Variants in IPO8 observed in about 807,000 individuals in gnomAD.
IPO8 encodes the protein importin 8.
IPO8 carries 65 observed loss-of-function variants against 141.2 expected under a neutral mutation model. The ratio of observed to expected loss-of-function variants is 0.46; its 90% CI spans 0.38 to 0.57. IPO8 has a LOEUF of 0.57. IPO8 is among the 20% of genes least tolerant of loss of function. IPO8 has a pLI of 0.00. For synonymous variants in IPO8, 411 were observed against 420.3 expected (o/e 0.98, Z 0.27); for missense variants, 980 against 1,246.8 (o/e 0.79, Z 3.22).
chr12:30,677,986 A>C (rs1164972339), intron 5 of IPO8, among the ~76,000 whole-genome samples: 2 of 151,912 alleles, frequency 1.3e-5, no homozygotes, highest in Non-Finnish European at 2.9e-5. Flanking sequence ...AATACAAAAA[A>C]TTAGCCAGGC....
At chr12:30,686,606 C>T (rs2053244907) in intron 2 of IPO8, 1 of 152,186 alleles carries the variant, frequency 6.6e-6, no homozygotes, top group South Asian at 2.1e-4. Flanking sequence ...CCTCAGCCTC[C>T]CAAAGTGCTG....
At chr12:30,654,469 A>T (rs1195128226) in intron 17 of IPO8, among the ~76,000 whole-genome samples, 1 of 152,112 alleles carries the variant, frequency 6.6e-6, no homozygotes, top group Non-Finnish European at 1.5e-5. Context: ...TTTATAATCT[A>T]TATCAAATGA....
chr12:30,655,118 A>C (rs1396439883), intron 17 of IPO8, among the ~76,000 whole-genome samples: 1 of 152,148 alleles, frequency 6.6e-6, no homozygotes. Flanking sequence ...TTCTTTTATT[A>C]TTAATTAAAG....
chr12:30,678,143 A>AT (rs2053147006), intron 5 of IPO8, among the ~76,000 whole-genome samples: 1 of 149,680 alleles, frequency 6.7e-6, no homozygotes, highest in Non-Finnish European at 1.5e-5. Flanking sequence ...AAAAAAAAAA[A>AT]TTTAAAGTTT....
Position 30,652,303 on chromosome 12 carries a change from A to G in IPO8, c.2075-14T>C, listed in dbSNP as rs755462912. ...GAGGCATCATGTCTGAAAAAAAATC[A>G]AAATCCCAATGAGACTTGAGTGACA... is the stretch of plus-strand genomic sequence containing the variant. On this transcript the variant is annotated splice_polypyrimidine_tract_variant and intron_variant, in intron 18 of 24. Coordinates refer to ENST00000256079, the MANE Select transcript of IPO8 (RefSeq NM_006390.4). 8 of 1,458,796 alleles carry G rather than the reference A, an allele frequency of 5.5e-6. No individual in the cohort carries two copies. The highest frequency in any genetic ancestry group is 1.4e-5 in the African/African-American group (1 of 71,650). 90.4% of individuals were successfully genotyped at this position (1,458,796 alleles called of 1,614,324 possible).
rs201904393 is a variant in IPO8 at position 30,630,927 on chromosome 12, C to A, written c.3047G>T (p.Gly1016Val). ...GACTCCTTTGTTTTCAAAGGTGAAG[C>A]CTCCCTGTTGTTCAATCTTCTTCTT... ...EAKKKIEQQG[G>V]FTFENKGVLS... is the part of the protein sequence containing the mutation. Residue 1016 changes from glycine (G) to valine (V), a missense_variant, in exon 25 of 25, where the codon GGC becomes GTC. Physicochemically the swap from Gly to Val is moderately radical, Grantham distance 109. This residue lies in a region of IPO8 where 924 missense variants were observed against 1,153.9 expected (regional missense o/e 0.80). Coordinates refer to ENST00000256079, the MANE Select transcript of IPO8 (RefSeq NM_006390.4). The A allele has an allele frequency of 1.2e-4, 200 of 1,613,536 alleles. No homozygotes were observed. In the Admixed American group the frequency reaches 3.3e-3, roughly 26 times the overall value.
intron 22 of IPO8, among the ~76,000 whole-genome samples, chr12:30,636,706 G>A (rs2052506495): frequency 6.6e-6 from 1 of 151,984 alleles, no homozygotes; most frequent in Non-Finnish European, 1.5e-5. Context: ...AAGACCATTT[G>A]ATTGTTATAA....
chr12:30,652,130 T>G, intron 19 of IPO8, 62 bp downstream of exon 19: 1 of 903,102 alleles, frequency 1.1e-6, no homozygotes, highest in Non-Finnish European at 1.8e-6. Context: ...AAAAGTATCC[T>G]GAAGCAAAAC....
At position 30,681,686 on chromosome 12, in the gene IPO8, C is replaced by A; in HGVS notation, c.455G>T (p.Cys152Phe). The A allele has an allele frequency of 6.2e-7, 1 of 1,613,688 alleles. No individual in the cohort carries two copies. The highest frequency in any genetic ancestry group is 1.1e-5 in the South Asian group (1 of 91,068). The change falls in exon 4 of 25, where the codon TGC (cysteine) becomes TTC (phenylalanine). Residue 152 changes from cysteine (C) to phenylalanine (F), a missense_variant. Cys to Phe is a radical substitution (Grantham distance 205). Coordinates refer to ENST00000256079, the MANE Select transcript of IPO8 (RefSeq NM_006390.4). ...ATATGTCTTCACCAGTTGATACAGG[C>A]ATAATAAACTGCCAAGCCAGCTTGC... Reference protein sequence around the residue: ...SSASWLGSLLCLYQLVKTYEY... With the variant: ...SSASWLGSLLFLYQLVKTYEY...
chr12:30,667,250 A>G (rs2052979422), intron 10 of IPO8, among the ~76,000 whole-genome samples: 1 of 152,176 alleles, frequency 6.6e-6, no homozygotes, highest in Admixed American at 6.5e-5. Flanking sequence ...TCCTCCCAGC[A>G]CTATTATCAT....
At chr12:30,641,244 G>A (rs960567529) in intron 20 of IPO8, among the ~76,000 whole-genome samples, 1 of 152,160 alleles carries the variant, frequency 6.6e-6, no homozygotes, top group Non-Finnish European at 1.5e-5. Flanking sequence ...TAGCGTAGAA[G>A]GCAACAGAGA....
In IPO8 at chr12:30,634,242, C is replaced by A. The variant is rs1349602856; in HGVS notation, c.2740G>T (p.Ala914Ser). The A allele has an allele frequency of 6.2e-7, 1 of 1,613,788 alleles. No homozygotes were observed. Among genetic ancestry groups the A allele is most frequent in the East Asian group, 2.2e-5 (1 of 44,878 alleles). Residue 914 changes from alanine to serine, a missense_variant, in exon 23 of 25, where the codon GCA becomes TCA. This residue lies in a region of IPO8 where 924 missense variants were observed against 1,153.9 expected (regional missense o/e 0.80). Transcript: ENST00000256079. ...CCTCTTCCATTATTTGACTGCATTGCTTGAGCAGTTACATTTGTCTCCTCT... is the reference window on the plus strand; with the variant it reads ...CCTCTTCCATTATTTGACTGCATTGATTGAGCAGTTACATTTGTCTCCTCT... ...DEEETNVTAQ[A>S]MQSNNGRGED...
intron 3 of IPO8, 30 bp from the exon 4 acceptor site, chr12:30,681,847 CTAAG>C: frequency 6.4e-7 from 1 of 1,570,414 alleles, no homozygotes; most frequent in Non-Finnish European, 8.7e-7. Context: ...AGTCCAAAAT[CTAAG>C]TAATTATAAA....
intron 10 of IPO8, 74 bp from the exon 11 acceptor site, chr12:30,666,325 C>T (rs977531767): frequency 9.7e-6 from 11 of 1,135,136 alleles, no homozygotes; most frequent in African/African-American, 1.6e-5. Context: ...CCTGACTGAC[C>T]GCTATTCCAA....
Position 30,695,480 on chromosome 12 carries a change from G to T in IPO8, c.84+84C>A. ...GCCCCAGCCCGGTGGGGGTGAGGAC[G>T]AGGGGCGCCGGGGAGAGGGAGCCCG... On this transcript the variant is annotated intron_variant, in intron 1 of 24. Coordinates refer to ENST00000256079, the MANE Select transcript of IPO8 (RefSeq NM_006390.4). The surrounding 1 kb of genome is among the most constrained non-coding windows in gnomAD (Gnocchi z 4.2). The T allele has an allele frequency of 8.2e-7, 1 of 1,223,266 alleles. No individual in the cohort carries two copies. The highest frequency in any genetic ancestry group is 1.2e-6 in the Non-Finnish European group (1 of 837,448). 75.8% of individuals were successfully genotyped at this position (1,223,266 alleles called of 1,614,324 possible). A position where few individuals can be genotyped will look rare whatever the true frequency, so the allele number is the denominator to read the frequency against.
At chr12:30,694,671 T>A (rs1235626155) in intron 1 of IPO8, among the ~76,000 whole-genome samples, 5 of 152,218 alleles carry the variant, frequency 3.3e-5, no homozygotes, top group Non-Finnish European at 5.9e-5. Flanking sequence ...AAGCTCCAGG[T>A]CCTGGGCAAC....
chr12:30,654,052 A>C (rs2052764023), intron 17 of IPO8, among the ~76,000 whole-genome samples: 1 of 152,106 alleles, frequency 6.6e-6, no homozygotes. Context: ...AAATCTACCC[A>C]TTTAGGGTCA....
At chr12:30,636,891 G>T in intron 22 of IPO8, 91 bp downstream of exon 22, 2 of 1,084,066 alleles carry the variant, frequency 1.8e-6, no homozygotes, top group Non-Finnish European at 2.7e-6. Flanking sequence ...ATGTAAATCT[G>T]TTTAATGTCT....
rs75758262 is a variant in IPO8 at position 30,677,389 on chromosome 12, G to C, written c.640-802C>G. The C allele has an allele frequency of 9.4e-3, 3,164 of 335,808 alleles. 79 individuals are homozygous for C. The highest frequency in any genetic ancestry group is 0.063 in the African/African-American group (2,928 of 46,528). The allele number at this position is 335,808 out of a possible 1,614,324, so 20.8% of individuals were successfully genotyped here. A position where few individuals can be genotyped will look rare whatever the true frequency, so the allele number is the denominator to read the frequency against. ...CCTACTGAATTGCCAGCTGTATAAA[G>C]TATAGCAATTTTATACAGTACGTAA... On this transcript the variant is annotated intron_variant, in intron 5 of 24. Coordinates refer to ENST00000256079, the MANE Select transcript of IPO8 (RefSeq NM_006390.4).
Sources: allele counts gnomAD v4.1 joint callset (sites outside exome capture counted in the v4.1 genomes callset), GRCh38; gene constraint gnomAD v4.1.1; regional missense constraint gnomAD v4.1.1; non-coding constraint Gnocchi (gnomAD v3.1); transcripts MANE v1.5; gene names NCBI Gene and HGNC (gene_info 2026-07-23, HGNC 2026-07-21).